CC2D2A: variants seen among roughly 807,000 people sequenced by gnomAD.
The protein encoded by CC2D2A is coiled-coil and C2 domain containing 2A.
CC2D2A carries 155 observed loss-of-function variants against 212.9 expected under a neutral mutation model. The ratio of observed to expected loss-of-function variants is 0.73; its 90% CI spans 0.64 to 0.83. The LOEUF (loss-of-function observed/expected upper bound fraction) is 0.83. Among genes scored for constraint, CC2D2A ranks in the 40% least tolerant of loss-of-function variants. The pLI, the probability that CC2D2A is intolerant of heterozygous loss-of-function variation, is 0.00. For missense variants in CC2D2A, 1,856 were observed against 1,956.2 expected (o/e 0.95, Z 0.97); for synonymous variants, 667 against 686.5 (o/e 0.97, Z 0.44).
chr4:15,527,712 C>A, intron 12 of CC2D2A, 56 bp downstream of exon 12: 1 of 1,356,332 alleles, frequency 7.4e-7, no homozygotes, highest in South Asian at 1.3e-5. Context: ...TCCAATGAGC[C>A]CAAACAATGA....
chr4:15,574,003 G>C (rs1191729113), intron 28 of CC2D2A, 147 bp from the exon 29 acceptor site: 5 of 619,594 alleles, frequency 8.1e-6, no homozygotes, highest in South Asian at 2.2e-5. Flanking sequence ...TGCTTAGAGA[G>C]ATGAGATTAG....
At chr4:15,566,153 A>G (rs1352794644) in intron 24 of CC2D2A, among the ~76,000 whole-genome samples, 1 of 152,212 alleles carries the variant, frequency 6.6e-6, no homozygotes, top group Non-Finnish European at 1.5e-5. Flanking sequence ...GGTATCTGGA[A>G]GAGACTCTCT....
At position 15,595,256 on chromosome 4, in the gene CC2D2A, T is replaced by C. The variant is rs575017312; in HGVS notation, c.4315-829T>C. 1.9e-3 allele frequency among the ~76,000 whole-genome samples: 286 copies of C among 152,344 alleles called. 1 individual carries two copies. Among genetic ancestry groups the C allele is most frequent in the African/African-American group, 6.4e-3 (267 of 41,576 alleles). Reference sequence around the variant, plus strand: ...TATACTGAATGGACAAATTCATGTATATAGTTACTCAGTATGACTACTGTA... The same window carrying C: ...TATACTGAATGGACAAATTCATGTACATAGTTACTCAGTATGACTACTGTA... On this transcript the variant is annotated intron_variant, in intron 33 of 36. Transcript: ENST00000424120.
chr4:15,563,510 A>G lies in CC2D2A; in HGVS notation c.3170A>G (p.Lys1057Arg). 3 of 1,611,846 alleles carry G rather than the reference A, an allele frequency of 1.9e-6. No homozygotes were observed. The highest frequency in any genetic ancestry group is 2.2e-5 in the South Asian group (2 of 90,424). The change falls in exon 24 of 37, where the codon AAG becomes AGG. Residue 1057 changes from lysine to arginine, a missense_variant. Physicochemically the swap from Lys to Arg is conservative, Grantham distance 26. This residue lies in a region of CC2D2A where 1,512 missense variants were observed against 1,579.3 expected (regional missense o/e 0.96). Coordinates refer to ENST00000424120, the MANE Select transcript of CC2D2A (RefSeq NM_001378615.1). The stretch of plus-strand genomic sequence containing the variant: ...CGAGCTTACGACATTCCAGTGAGGA[A>G]GCCGGCAGTGAGGTGAGAGCCCTCC... ...IVRAYDIPVR[K>R]PAVSKFQQPS...
chr4:15,599,792 A>C (rs956579959), intron 36 of CC2D2A, 86 bp downstream of exon 36: 1 of 1,045,300 alleles, frequency 9.6e-7, no homozygotes, highest in African/African-American at 1.6e-5. Context: ...TGGAATCAAA[A>C]GACCCACGTT....
intron 4 of CC2D2A, among the ~76,000 whole-genome samples, chr4:15,496,362 T>C (rs1026925007): frequency 3.3e-5 from 5 of 152,184 alleles, no homozygotes; most frequent in African/African-American, 1.2e-4. Context: ...TCTAAAGTTT[T>C]AGGTTTTACA....
intron 29 of CC2D2A, among the ~76,000 whole-genome samples, chr4:15,575,030 T>A (rs537023840): frequency 1.3e-5 from 2 of 152,362 alleles, no homozygotes; most frequent in Admixed American, 6.5e-5. Flanking sequence ...ACCTCAGGCA[T>A]AAATGTGTTA....
chr4:15,588,700 T>G (rs1195270033), intron 32 of CC2D2A, among the ~76,000 whole-genome samples: 1 of 152,086 alleles, frequency 6.6e-6, no homozygotes, highest in East Asian at 1.9e-4. Context: ...AAAAGAACAC[T>G]GGGCTTGGAA....
chr4:15,516,689 C>T lies in CC2D2A; in HGVS notation c.1082C>T (p.Pro361Leu), dbSNP rs1295754658. ...LALPNPIKPF[P>L]SRPPVLTQEQ... ...CTGCCAAACCCCATCAAGCCATTTC[C>T]TTCAAGGCCGCCAGTACTAACACAG... Residue 361 changes from proline to leucine, a missense_variant, in exon 11 of 37, where the codon CCT becomes CTT. Physicochemically the swap from Pro to Leu is moderately conservative, Grantham distance 98. Coordinates refer to ENST00000424120, the MANE Select transcript of CC2D2A (RefSeq NM_001378615.1). 4 of 1,613,474 alleles carry T rather than the reference C, an allele frequency of 2.5e-6. No individual in the cohort carries two copies. The highest frequency in any genetic ancestry group is 2.5e-6 in the Non-Finnish European group (3 of 1,179,638).
At chr4:15,506,795 C>T (rs1046037387) in intron 6 of CC2D2A, among the ~76,000 whole-genome samples, 3 of 152,004 alleles carry the variant, frequency 2.0e-5, no homozygotes, top group Non-Finnish European at 2.9e-5. Context: ...AATCCTAGGC[C>T]GGGTGCGGTG....
chr4:15,587,995 T>A (rs1720929530), intron 32 of CC2D2A, 66 bp downstream of exon 32: 3 of 852,986 alleles, frequency 3.5e-6, no homozygotes, highest in Admixed American at 2.3e-5. Context: ...GTGTTCCAGA[T>A]CACACACAGG....
intron 3 of CC2D2A, among the ~76,000 whole-genome samples, chr4:15,479,689 C>T (rs1274559925): frequency 6.6e-6 from 1 of 152,160 alleles, no homozygotes. Flanking sequence ...AGGAGACCCA[C>T]AGCCAGACAC....
intron 6 of CC2D2A, among the ~76,000 whole-genome samples, chr4:15,506,095 T>C (rs1716241059): frequency 6.6e-6 from 1 of 152,212 alleles, no homozygotes; most frequent in Non-Finnish European, 1.5e-5. Context: ...TGTGCACATA[T>C]GATGATAGGC....
At chr4:15,529,985 T>A (rs1269367202) in intron 13 of CC2D2A, among the ~76,000 whole-genome samples, 1 of 137,762 alleles carries the variant, frequency 7.3e-6, no homozygotes. Context: ...TTTTATTTTT[T>A]TTTTGAGACG....
chr4:15,529,979 A>G (rs1019541781), intron 13 of CC2D2A, among the ~76,000 whole-genome samples: 1 of 142,216 alleles, frequency 7.0e-6, no homozygotes, highest in Non-Finnish European at 1.6e-5. Context: ...TTTTATTTTT[A>G]TTTTTTTTTT....
At position 15,567,675 on chromosome 4, in the gene CC2D2A, AG is replaced by A. The variant is rs386833751; in HGVS notation, c.3289del. The stretch of plus-strand genomic sequence containing the variant: ...AACTCAGAATTTGCTCTTGATTTTA[AG>A]GTTTTAGTACGTCCCTTTGTAGAAG... On this transcript the variant is annotated splice_acceptor_variant, in intron 25 of 36. Transcript: ENST00000424120. LOFTEE classifies it high-confidence loss of function. The A allele has an allele frequency of 2.6e-4, 420 of 1,588,188 alleles. No homozygotes were observed. The highest frequency in any genetic ancestry group is 3.3e-4 in the Non-Finnish European group (388 of 1,171,502).
rs780926705 is a variant in CC2D2A, at chr4:15,601,332, T to A, written c.4770T>A (p.Asn1590Lys). The change falls in exon 37 of 37, where the codon AAT becomes AAA. Residue 1590 changes from asparagine (N) to lysine (K), a missense_variant. By Grantham distance (94) the Asn-to-Lys change is moderately conservative. Coordinates refer to ENST00000424120, the MANE Select transcript of CC2D2A (RefSeq NM_001378615.1). ...STGVHNIDVP[N>K]VEFALAVYIH... The stretch of plus-strand genomic sequence containing the variant: ...GAGTACATAATATTGATGTTCCTAA[T>A]GTTGAATTTGCTTTAGCTGTATACA... The A allele has an allele frequency of 5.0e-6, 8 of 1,610,710 alleles. No homozygotes were observed. In the South Asian group the frequency reaches 8.8e-5, roughly 18 times the overall value.
chr4:15,540,197 T>C (rs144509176), intron 16 of CC2D2A, among the ~76,000 whole-genome samples: 132 of 152,308 alleles, frequency 8.7e-4, no homozygotes, highest in African/African-American at 3.1e-3. Flanking sequence ...CTCAATTAGC[T>C]TGAATTGCTA....
At chr4:15,498,252 G>C (rs1008202512) in intron 4 of CC2D2A, among the ~76,000 whole-genome samples, 10 of 152,072 alleles carry the variant, frequency 6.6e-5, no homozygotes, top group African/African-American at 2.4e-4. Flanking sequence ...ACATCACTTT[G>C]CCAAAGAAAT....
Sources: allele counts gnomAD v4.1 joint callset (sites outside exome capture counted in the v4.1 genomes callset), GRCh38; gene constraint gnomAD v4.1.1; regional missense constraint gnomAD v4.1.1; transcripts MANE v1.5; gene names NCBI Gene and HGNC (gene_info 2026-07-23, HGNC 2026-07-21).